Variants in GAN observed in about 807,000 individuals in gnomAD.
The protein encoded by GAN is epididymis secretory sperm binding protein.
In GAN, 48 loss-of-function variants were observed where a neutral mutation model predicts 71.3. The ratio of observed to expected loss-of-function variants is 0.67; its 90% CI spans 0.53 to 0.86. The LOEUF is 0.86. Ranked by LOEUF, GAN falls within the 40% of genes least tolerant of loss-of-function variation. The pLI, the probability that GAN is intolerant of heterozygous loss-of-function variation, is 0.00. For missense variants in GAN, 928 were observed against 770.1 expected (o/e 1.21, Z -2.43); for synonymous variants, 386 against 276.8 (o/e 1.39, Z -3.92).
intron 1 of GAN, among the ~76,000 whole-genome samples, chr16:81,337,148 CTG>C (rs1024949477): frequency 3.3e-5 from 5 of 152,114 alleles, no homozygotes; most frequent in African/African-American, 9.7e-5. Flanking sequence ...TGGAGGGCAT[CTG>C]TGAAACAAAT....
chr16:81,366,607 C>G (rs1281279495), intron 9 of GAN, among the ~76,000 whole-genome samples: 1 of 152,146 alleles, frequency 6.6e-6, no homozygotes, highest in Non-Finnish European at 1.5e-5. Context: ...AAAGATGCTG[C>G]AAATGCATGT....
chr16:81,385,320 C>T lies in GAN; in HGVS notation c.*7724C>T, dbSNP rs375961024. ...TTATTCCTTTAACTTAAACCCCAAA[C>T]TTTGTTATTTTAATTATTTTCAGGC... On this transcript the variant is annotated 3_prime_UTR_variant, in exon 11 of 11. Coordinates refer to ENST00000648994, the MANE Select transcript of GAN (RefSeq NM_022041.4). 2 of 152,234 alleles carry T rather than the reference C, an allele frequency of 1.3e-5. No individual in the cohort carries two copies. The highest frequency in any genetic ancestry group is 3.9e-4 in the East Asian group (2 of 5,186). The allele number at this position is 152,234 out of a possible 1,614,324, so 9.4% of individuals were successfully genotyped here.
At chr16:81,351,538 TTTCTG>T in intron 1 of GAN, 40 bp from the exon 2 acceptor site, 1 of 821,286 alleles carries the variant, frequency 1.2e-6, no homozygotes, top group Non-Finnish European at 2.2e-6. Context: ...TTTATAGCTA[TTTCTG>T]TTCTTTCATA....
intron 2 of GAN, among the ~76,000 whole-genome samples, chr16:81,353,292 A>AAAAAAAAAAAAAAAAAAAAAAAACAAAAC (rs1567490930): frequency 0.055 from 166 of 3,012 alleles, no homozygotes; most frequent in African/African-American, 0.18. Context: ...ACTCCGTCTC[A>AAAAAAAAAAAAAAAAAAAAAAAACAAAAC]AAAAAAAAAA....
At position 81,357,843 on chromosome 16, in the gene GAN, G is replaced by C; in HGVS notation, c.885G>C (p.Met295Ile). ...AACCCACAGCAGCGATGCGATGCAT[G>C]TGCCCTCTCTATGACCCTAACAGGC... ...SRKPTAAMRC[M>I]CPLYDPNRQL... The change falls in exon 5 of 11, where the codon ATG becomes ATC. Residue 295 changes from methionine (M) to isoleucine (I), a missense_variant. Coordinates refer to ENST00000648994, the MANE Select transcript of GAN (RefSeq NM_022041.4). 2 of 1,613,208 alleles carry C rather than the reference G, an allele frequency of 1.2e-6. No individual in the cohort carries two copies. The highest frequency in any genetic ancestry group is 1.7e-6 in the Non-Finnish European group (2 of 1,179,146).
chr16:81,378,661 G>A lies in GAN; in HGVS notation c.*1065G>A, dbSNP rs1904290464. The A allele has an allele frequency of 6.5e-6, 1 of 152,676 alleles. No individual in the cohort carries two copies. The highest frequency in any genetic ancestry group is 6.5e-5 in the Admixed American group (1 of 15,284). The allele number at this position is 152,676 out of a possible 1,614,324, so 9.5% of individuals were successfully genotyped here. A position where few individuals can be genotyped will look rare whatever the true frequency, so the allele number is the denominator to read the frequency against. On this transcript the variant is annotated 3_prime_UTR_variant, in exon 11 of 11. Coordinates refer to ENST00000648994, the MANE Select transcript of GAN (RefSeq NM_022041.4). Reference sequence around the variant, plus strand: ...TAAGAATCTAGTCTTTGTAATAGAAGTTTCCCAGTGGCATTCACTAGTGAG... The same window carrying A: ...TAAGAATCTAGTCTTTGTAATAGAAATTTCCCAGTGGCATTCACTAGTGAG...
At chr16:81,326,756 A>G (rs1909403225) in intron 1 of GAN, among the ~76,000 whole-genome samples, 1 of 152,240 alleles carries the variant, frequency 6.6e-6, no homozygotes, top group Non-Finnish European at 1.5e-5. Flanking sequence ...TGTACTGAAC[A>G]CTGTAGGCAG....
intron 1 of GAN, among the ~76,000 whole-genome samples, chr16:81,323,863 C>G (rs1909295387): frequency 6.6e-6 from 1 of 152,112 alleles, no homozygotes; most frequent in African/African-American, 2.4e-5. Context: ...TCAGTGGCCT[C>G]CCACAGAGAG....
rs1904524067 is a variant in GAN, at chr16:81,390,269, A to C, written c.*12673A>C. 1 of 152,226 alleles carries C rather than the reference A, an allele frequency of 6.6e-6. No homozygotes were observed. Among genetic ancestry groups the C allele is most frequent in the South Asian group, 2.1e-4 (1 of 4,834 alleles). The allele number at this position is 152,226 out of a possible 1,614,324, so 9.4% of individuals were successfully genotyped here. A position where few individuals can be genotyped will look rare whatever the true frequency, so the allele number is the denominator to read the frequency against. On this transcript the variant is annotated 3_prime_UTR_variant, in exon 11 of 11. Coordinates refer to ENST00000648994, the MANE Select transcript of GAN (RefSeq NM_022041.4). Reference sequence around the variant, plus strand: ...AAGTCGTGCTAAGTTGATTTCATTGAAATGTCACGTCTCACATCCTGTGGT... The same window carrying C: ...AAGTCGTGCTAAGTTGATTTCATTGCAATGTCACGTCTCACATCCTGTGGT...
At chr16:81,320,854 A>T (rs990500170) in intron 1 of GAN, among the ~76,000 whole-genome samples, 2 of 152,122 alleles carry the variant, frequency 1.3e-5, no homozygotes, top group Admixed American at 6.5e-5. Context: ...TGCTCAGAAG[A>T]TGAAATTTGT....
At chr16:81,327,799 A>G (rs1311860679) in intron 1 of GAN, among the ~76,000 whole-genome samples, 1 of 150,720 alleles carries the variant, frequency 6.6e-6, no homozygotes, top group Non-Finnish European at 1.5e-5. Context: ...GTGCTCCCCA[A>G]AGTGAAGGGG....
At position 81,380,535 on chromosome 16, in the gene GAN, T is replaced by C. The variant is rs1478787733; in HGVS notation, c.*2939T>C. On this transcript the variant is annotated 3_prime_UTR_variant, in exon 11 of 11. Coordinates refer to ENST00000648994, the MANE Select transcript of GAN (RefSeq NM_022041.4). Reference sequence around the variant, plus strand: ...TTTGATAGTGCTTATATCCTGTGAATAGAAAAAGTGTGAGAGATGAATGAG... The same window carrying C: ...TTTGATAGTGCTTATATCCTGTGAACAGAAAAAGTGTGAGAGATGAATGAG... 1 of 152,206 alleles carries C rather than the reference T, an allele frequency of 6.6e-6. No homozygotes were observed. The highest frequency in any genetic ancestry group is 1.5e-5 in the Non-Finnish European group (1 of 68,016). The allele number at this position is 152,206 out of a possible 1,614,324, so 9.4% of individuals were successfully genotyped here.
At chr16:81,354,335 A>G (rs1910411440) in intron 2 of GAN, 70 bp from the exon 3 acceptor site, 26 of 947,618 alleles carry the variant, frequency 2.7e-5, no homozygotes, top group Non-Finnish European at 4.0e-5. Context: ...TGTGGCCCCA[A>G]TTAATAGGTT....
chr16:81,364,285 G>T (rs907195480), intron 7 of GAN, among the ~76,000 whole-genome samples: 4 of 151,950 alleles, frequency 2.6e-5, no homozygotes, highest in African/African-American at 9.7e-5. Context: ...TCCTTTTGTT[G>T]TTGAGAGAGG....
chr16:81,325,312 A>C (rs1909349385), intron 1 of GAN, among the ~76,000 whole-genome samples: 1 of 152,198 alleles, frequency 6.6e-6, no homozygotes, highest in African/African-American at 2.4e-5. Context: ...TATGGAGGAA[A>C]TGGTATTTGA....
At position 81,380,729 on chromosome 16, in the gene GAN, T is replaced by C. The variant is rs1159701636; in HGVS notation, c.*3133T>C. ...TACTGTGTCGAACTCATATTGAGTG[T>C]AAATATTGAAATATTTGTAGTTTAT... On this transcript the variant is annotated 3_prime_UTR_variant, in exon 11 of 11. Transcript: ENST00000648994. The C allele has an allele frequency of 1.3e-5, 2 of 152,264 alleles. No individual in the cohort carries two copies. Among genetic ancestry groups the C allele is most frequent in the East Asian group, 3.8e-4 (2 of 5,206 alleles). 9.4% of individuals were successfully genotyped at this position (152,264 alleles called of 1,614,324 possible).
chr16:81,347,929 C>G (rs1910174108), intron 1 of GAN, among the ~76,000 whole-genome samples: 1 of 151,920 alleles, frequency 6.6e-6, no homozygotes, highest in Admixed American at 6.6e-5. Flanking sequence ...GTTGGGGGGA[C>G]ATTACTTTTT....
intron 1 of GAN, among the ~76,000 whole-genome samples, chr16:81,333,352 C>G (rs1478196411): frequency 3.3e-5 from 5 of 152,046 alleles, no homozygotes; most frequent in African/African-American, 9.7e-5. Flanking sequence ...CCATTCCTCA[C>G]TAACCTGCAT....
At chr16:81,351,949 C>T (rs2150684043) in intron 2 of GAN, among the ~76,000 whole-genome samples, 1 of 152,294 alleles carries the variant, frequency 6.6e-6, no homozygotes, top group Middle Eastern at 3.4e-3. Context: ...TGAGCTCCAC[C>T]TTCTCATATG....
Sources: gnomAD v4.1 joint callset for allele counts (sites outside exome capture counted in the v4.1 genomes callset) on GRCh38, gnomAD v4.1.1 for gene constraint, MANE v1.5 for transcripts, NCBI Gene and HGNC (gene_info 2026-07-23, HGNC 2026-07-21) for gene names.